RTN4: variants seen among roughly 807,000 people sequenced by gnomAD.
The protein encoded by RTN4 is reticulon-4.
In RTN4, 32 loss-of-function variants were observed where a neutral mutation model predicts 90.4. That is an observed-to-expected ratio of 0.35 (90% confidence interval 0.27 to 0.48). The LOEUF is 0.48. Among genes scored for constraint, RTN4 ranks in the 20% least tolerant of loss-of-function variants. RTN4 has a pLI of 0.99. For missense variants in RTN4, 1,706 were observed against 1,430.2 expected (o/e 1.19, Z -3.11); for synonymous variants, 629 against 552.5 (o/e 1.14, Z -1.94).
intron 1 of RTN4, among the ~76,000 whole-genome samples, chr2:55,036,215 A>G (rs1042345896): frequency 1.3e-5 from 2 of 152,200 alleles, no homozygotes; most frequent in Admixed American, 1.3e-4. Context: ...CTTCAATAAA[A>G]TAGTAGCAGA....
At chr2:55,010,445 A>C in intron 3 of RTN4, 1 of 869,790 alleles carries the variant, frequency 1.1e-6, no homozygotes. Flanking sequence ...CAGGCTACCA[A>C]AAGAAAGGAA....
intron 3 of RTN4, among the ~76,000 whole-genome samples, chr2:54,999,873 G>A (rs1405431057): frequency 6.6e-6 from 1 of 152,134 alleles, no homozygotes; most frequent in East Asian, 1.9e-4. Context: ...AAAAGGATCT[G>A]TGCAGAGTTT....
chr2:55,042,683 G>T (rs895290609), intron 1 of RTN4, among the ~76,000 whole-genome samples: 1 of 152,024 alleles, frequency 6.6e-6, no homozygotes, highest in African/African-American at 2.4e-5. Context: ...GTAAGATTTG[G>T]GATTTTTATT....
At chr2:55,059,286 A>T (rs1668246983) in intron 2 of RTN4, among the ~76,000 whole-genome samples, 1 of 140,896 alleles carries the variant, frequency 7.1e-6, no homozygotes, top group Non-Finnish European at 1.5e-5. Flanking sequence ...TCCCAAGGAC[A>T]AAATCTATGA....
the RTN4 span, among the ~76,000 whole-genome samples, chr2:55,130,166 C>G: frequency 6.6e-6 from 1 of 152,160 alleles, no homozygotes; most frequent in African/African-American, 2.4e-5. Flanking sequence ...GAATATTATG[C>G]AGCAATTAGA....
intron 2 of RTN4, among the ~76,000 whole-genome samples, chr2:55,027,948 A>C (rs1166816096): frequency 6.6e-6 from 1 of 152,214 alleles, no homozygotes; most frequent in Non-Finnish European, 1.5e-5. Flanking sequence ...CAAGGGTCCA[A>C]GAATTCCTTA....
At chr2:55,131,611 C>T in the RTN4 span, among the ~76,000 whole-genome samples, 49 of 152,168 alleles carry the variant, frequency 3.2e-4, no homozygotes, top group Non-Finnish European at 5.7e-4. Flanking sequence ...TGGCAGGGCA[C>T]GGTGGCTCAC....
At chr2:55,097,989 C>T (rs1341752557) in intron 1 of RTN4, among the ~76,000 whole-genome samples, 1 of 152,068 alleles carries the variant, frequency 6.6e-6, no homozygotes, top group Non-Finnish European at 1.5e-5. Context: ...CCTCTGTGCC[C>T]TTCCCCCAAT....
intron 5 of RTN4, among the ~76,000 whole-genome samples, chr2:54,980,636 G>A (rs1467928693): frequency 6.6e-6 from 1 of 152,090 alleles, no homozygotes; most frequent in Non-Finnish European, 1.5e-5. Context: ...AAAACAACAA[G>A]CATCTCTCCT....
chr2:55,132,531 G>A, the RTN4 span, among the ~76,000 whole-genome samples: 13 of 143,014 alleles, frequency 9.1e-5, no homozygotes, highest in Admixed American at 9.2e-4. Context: ...TAAATTAAAA[G>A]GCAAGAGTGA....
intron 6 of RTN4, 54 bp downstream of exon 6, chr2:54,974,641 C>T (rs1488068778): frequency 7.4e-7 from 1 of 1,348,846 alleles, no homozygotes; most frequent in Non-Finnish European, 1.1e-6. Context: ...TGTCTAAGCT[C>T]CTGGCACACA....
Position 55,050,274 on chromosome 2 carries a change from C to CT in RTN4, c.26_27insA (p.Val10GlyfsTer75). 1 of 1,495,428 alleles carries CT rather than the reference C, an allele frequency of 6.7e-7. No individual in the cohort carries two copies. The highest frequency in any genetic ancestry group is 8.9e-7 in the Non-Finnish European group (1 of 1,122,630). 92.6% of individuals were successfully genotyped at this position (1,495,428 alleles called of 1,614,324 possible). A position where few individuals can be genotyped will look rare whatever the true frequency, so the allele number is the denominator to read the frequency against. ...GGGGTGGGCTGTCCGAGGACGAGAC[C>CT]AGAGGAGACTGGTCCAGGTCTTCCA... On this transcript the variant is annotated frameshift_variant, in exon 1 of 9. Transcript: ENST00000337526. LOFTEE classifies it high-confidence loss of function. The surrounding 1 kb of genome is among the most constrained non-coding windows in gnomAD (Gnocchi z 4.6).
intron 3 of RTN4, among the ~76,000 whole-genome samples, chr2:54,989,133 T>C (rs943253405): frequency 8.5e-5 from 13 of 152,324 alleles, no homozygotes; most frequent in Middle Eastern, 3.4e-3. Context: ...AAACTATGTA[T>C]GTGAACTGCA....
intron 1 of RTN4, among the ~76,000 whole-genome samples, chr2:55,110,669 A>G (rs1668022106): frequency 6.6e-6 from 1 of 152,216 alleles, no homozygotes; most frequent in Admixed American, 6.5e-5. Flanking sequence ...CTCATTCTTT[A>G]AATAAATGTC....
chr2:54,988,868 C>T (rs188357106), intron 3 of RTN4, among the ~76,000 whole-genome samples: 26 of 152,280 alleles, frequency 1.7e-4, no homozygotes, highest in African/African-American at 4.1e-4. Context: ...GTCTCAAAAT[C>T]GGGTTATGCT....
chr2:55,135,023 G>C, the RTN4 span, among the ~76,000 whole-genome samples: 2 of 152,066 alleles, frequency 1.3e-5, no homozygotes, highest in African/African-American at 4.8e-5. Flanking sequence ...AATTCCATTT[G>C]GGGAGGCCAA....
chr2:55,025,177 C>A lies in RTN4; in HGVS notation c.2922G>T (p.Val974=). The stretch of plus-strand genomic sequence containing the variant: ...AAGGAAGTTTTTTCTCAGCTTCTTT[C>A]ACAAGAACTTTGGGTTTAACTATGC... ...IESIVKPKVL[V]KEAEKKLPSD... is the part of the protein sequence containing the mutation. The change falls in exon 3 of 9, where the codon GTG becomes GTT. Residue 974 remains valine (V), a synonymous_variant. Coordinates refer to ENST00000337526, the MANE Select transcript of RTN4 (RefSeq NM_020532.5). 6.2e-7 allele frequency: 1 copy of A among 1,613,796 alleles called. No individual in the cohort carries two copies. Among genetic ancestry groups the A allele is most frequent in the Non-Finnish European group, 8.5e-7 (1 of 1,179,812 alleles).
chr2:55,022,154 C>T (rs1681488379), intron 3 of RTN4, among the ~76,000 whole-genome samples: 1 of 152,162 alleles, frequency 6.6e-6, no homozygotes, highest in African/African-American at 2.4e-5. Flanking sequence ...CTAAGGGCCA[C>T]CATCTACTAG....
chr2:54,982,603 T>C lies in RTN4; in HGVS notation c.3272A>G (p.Tyr1091Cys), dbSNP rs1678230530. The change falls in exon 5 of 9, where the codon TAC becomes TGC. Residue 1091 changes from tyrosine (Y) to cysteine (C), a missense_variant. Physicochemically the swap from Tyr to Cys is radical, Grantham distance 194. Transcript: ENST00000337526. ...CACATGACCAAGAGCAGAATTACTG[T>C]ACTTCTGAACCAACTCCTCAGATAT... ...VAISEELVQK[Y>C]SNSALGHVNC... The C allele has an allele frequency of 6.2e-7, 1 of 1,613,576 alleles. No homozygotes were observed. Among genetic ancestry groups the C allele is most frequent in the South Asian group, 1.1e-5 (1 of 90,990 alleles).
Sources: gnomAD v4.1 joint callset for allele counts (sites outside exome capture counted in the v4.1 genomes callset) on GRCh38, gnomAD v4.1.1 for gene constraint, Gnocchi (gnomAD v3.1) non-coding constraint, MANE v1.5 for transcripts, NCBI Gene and HGNC (gene_info 2026-07-23, HGNC 2026-07-21) for gene names.